Variants in COL9A2 observed in about 807,000 individuals in gnomAD.
COL9A2 encodes collagen type IX alpha 2 chain.
In COL9A2, 66 loss-of-function variants were observed where a neutral mutation model predicts 111.6. The ratio of observed to expected loss-of-function variants is 0.59; its 90% confidence interval spans 0.48 to 0.73. COL9A2 has a LOEUF of 0.73. Ranked by LOEUF, COL9A2 falls within the 30% of genes least tolerant of loss-of-function variation. COL9A2 has a pLI of 0.00. For synonymous variants in COL9A2, 353 were observed against 364.1 expected (o/e 0.97, Z 0.35); for missense variants, 881 against 954.1 (o/e 0.92, Z 1.01).
rs893999306 is a variant in COL9A2 at position 40,314,752 on chromosome 1, A to C, written c.151-365T>G. 6.6e-6 allele frequency among the ~76,000 whole-genome samples: 1 copy of C among 152,198 alleles called. No homozygotes were observed. Among genetic ancestry groups the C allele is most frequent in the Non-Finnish European group, 1.5e-5 (1 of 68,010 alleles). ...GTGGGAGGAAGGTTGGGGCTTTTAG[A>C]GAAACGTGAAGGGGGATGAGCGAGT... is the stretch of plus-strand genomic sequence containing the variant. On this transcript the variant is annotated intron_variant, in intron 2 of 31. Coordinates refer to ENST00000372748, the MANE Select transcript of COL9A2 (RefSeq NM_001852.4). This position sits in a 1 kb window ranked among gnomAD's most constrained non-coding sequence, Gnocchi z 4.1.
Position 40,307,818 on chromosome 1 carries a change from C to T in COL9A2, c.901-62G>A, listed in dbSNP as rs1644054652. The stretch of plus-strand genomic sequence containing the variant: ...CGGAGATGTCTGGGGTCTGGCCACC[C>T]ACCCCTGTTCCTCTGAGACAGCTGC... On this transcript the variant is annotated intron_variant, in intron 17 of 31. Coordinates refer to ENST00000372748, the MANE Select transcript of COL9A2 (RefSeq NM_001852.4). The surrounding 1 kb of genome is among the most constrained non-coding windows in gnomAD (Gnocchi z 4.8). The T allele has an allele frequency of 1.9e-6, 3 of 1,556,014 alleles. No homozygotes were observed. The highest frequency in any genetic ancestry group is 2.3e-5 in the East Asian group (1 of 44,390).
In COL9A2 at chr1:40,304,353, C is replaced by A. The variant is rs35454564; in HGVS notation, c.1254G>T (p.Gly418=). ...CTTTGACGCCTGGCAAGCCTTGGGGCCCTGGAATTCCGGGGGGGCCCTGCT... is the reference window on the plus strand; with the variant it reads ...CTTTGACGCCTGGCAAGCCTTGGGGACCTGGAATTCCGGGGGGGCCCTGCT... The part of the protein sequence containing the change: ...KGEQGPPGIP[G]PQGLPGVKGD... Residue 418 remains glycine, a synonymous_variant, in exon 24 of 32, where the codon GGG becomes GGT. Coordinates refer to ENST00000372748, the MANE Select transcript of COL9A2 (RefSeq NM_001852.4). The A allele has an allele frequency of 2.5e-6, 4 of 1,576,718 alleles. No homozygotes were observed. The highest frequency in any genetic ancestry group is 2.6e-6 in the Non-Finnish European group (3 of 1,160,344).
rs547273591 is a variant in COL9A2, at chr1:40,311,917, C to T, written c.417+142G>A. 59 of 1,046,438 alleles carry T rather than the reference C, an allele frequency of 5.6e-5. 1 individual carries two copies. The African/African-American group carries it at 7.1e-4, about 13-fold the overall frequency. The allele number at this position is 1,046,438 out of a possible 1,614,324, so 64.8% of individuals were successfully genotyped here. ...TAAAAGACCTAGTGCCGGGTGGGCT[C>T]ATAGGAGGGGTTTCTGCCCCAGACC... is the stretch of plus-strand genomic sequence containing the variant. On this transcript the variant is annotated intron_variant, in intron 8 of 31. Coordinates refer to ENST00000372748, the MANE Select transcript of COL9A2 (RefSeq NM_001852.4). The surrounding 1 kb of genome is among the most constrained non-coding windows in gnomAD (Gnocchi z 5.1).
chr1:40,305,346 C>T (rs928032769), intron 21 of COL9A2, among the ~76,000 whole-genome samples: 9 of 152,186 alleles, frequency 5.9e-5, no homozygotes, highest in African/African-American at 1.4e-4. Flanking sequence ...TGAGCCACCG[C>T]GCCCGGCGTG....
At position 40,301,278 on chromosome 1, in the gene COL9A2, C is replaced by T. The variant is rs1643911032; in HGVS notation, c.1974G>A (p.Val658=). 2.5e-6 allele frequency: 4 copies of T among 1,613,890 alleles called. No individual in the cohort carries two copies. Among genetic ancestry groups the T allele is most frequent in the Non-Finnish European group, 3.4e-6 (4 of 1,179,894 alleles). ...CAGGTTCACAGAAGCCCGGCAGCCC[C>T]ACGGGGCCTGGCAGGCCAGGTCGAC... ...EAGRPGLPGP[V]GLPGFCEPAA... Residue 658 remains valine, a synonymous_variant, in exon 32 of 32, where the codon GTG becomes GTA. Coordinates refer to ENST00000372748, the MANE Select transcript of COL9A2 (RefSeq NM_001852.4).
At position 40,303,789 on chromosome 1, in the gene COL9A2, C is replaced by T. The variant is rs757717960; in HGVS notation, c.1401+18G>A. 3.8e-6 allele frequency: 6 copies of T among 1,562,548 alleles called. No homozygotes were observed. Among genetic ancestry groups the T allele is most frequent in the African/African-American group, 2.7e-5 (2 of 73,910 alleles). On this transcript the variant is annotated intron_variant, in intron 27 of 31. Coordinates refer to ENST00000372748, the MANE Select transcript of COL9A2 (RefSeq NM_001852.4). This position sits in a 1 kb window ranked among gnomAD's most constrained non-coding sequence, Gnocchi z 4.6. ...GCCGCCCAGGAAAGTCGGAGAACGCCGGGAGGGGAGGACTCACCTGTCCCT... is the reference window on the plus strand; with the variant it reads ...GCCGCCCAGGAAAGTCGGAGAACGCTGGGAGGGGAGGACTCACCTGTCCCT...
chr1:40,315,347 G>A, intron 2 of COL9A2: 10 of 1,347,060 alleles, frequency 7.4e-6, no homozygotes, highest in Non-Finnish European at 9.5e-6. Flanking sequence ...GTGAGCTGCG[G>A]CCGGCGGACT....
At position 40,314,082 on chromosome 1, in the gene COL9A2, C is replaced by G; in HGVS notation, c.249+123G>C. On this transcript the variant is annotated intron_variant, in intron 4 of 31. Coordinates refer to ENST00000372748, the MANE Select transcript of COL9A2 (RefSeq NM_001852.4). This position sits in a 1 kb window ranked among gnomAD's most constrained non-coding sequence, Gnocchi z 4.1. Reference sequence around the variant, plus strand: ...AAGTCATATCAAGGTGAGGGGGGCTCACAGCTGGAGAATCTCCATCCTGCT... The same window carrying G: ...AAGTCATATCAAGGTGAGGGGGGCTGACAGCTGGAGAATCTCCATCCTGCT... 9.2e-7 allele frequency: 1 copy of G among 1,083,470 alleles called. No individual in the cohort carries two copies. The allele number at this position is 1,083,470 out of a possible 1,614,324, so 67.1% of individuals were successfully genotyped here.
rs747251984 is a variant in COL9A2 at position 40,303,828 on chromosome 1, G to A, written c.1380C>T (p.Gly460=). The A allele has an allele frequency of 2.5e-5, 39 of 1,560,178 alleles. No homozygotes were observed. In the East Asian group the frequency reaches 5.2e-4, roughly 21 times the overall value. ...TCACCTGTCCCTTGGGCCCCGGCTC[G>A]CCGGACTCGCCCTGCAGGCACAAGG... is the stretch of plus-strand genomic sequence containing the variant. ...PGEKGEKGES[G]EPGPKGQQGV... The change falls in exon 27 of 32, where the codon GGC becomes GGT. Residue 460 remains glycine (G), a synonymous_variant. Coordinates refer to ENST00000372748, the MANE Select transcript of COL9A2 (RefSeq NM_001852.4). This position sits in a 1 kb window ranked among gnomAD's most constrained non-coding sequence, Gnocchi z 4.6.
chr1:40,311,820 G>T lies in COL9A2; in HGVS notation c.418-105C>A. 2 of 1,253,792 alleles carry T rather than the reference G, an allele frequency of 1.6e-6. No homozygotes were observed. Among genetic ancestry groups the T allele is most frequent in the Non-Finnish European group, 2.3e-6 (2 of 858,142 alleles). 77.7% of individuals were successfully genotyped at this position (1,253,792 alleles called of 1,614,324 possible). The stretch of plus-strand genomic sequence containing the variant: ...TCTGCCCTCTCCACCCTGTCTTCCC[G>T]GTCACTTTGTGAGATCCACCATCTT... On this transcript the variant is annotated intron_variant, in intron 8 of 31. Coordinates refer to ENST00000372748, the MANE Select transcript of COL9A2 (RefSeq NM_001852.4). The surrounding 1 kb of genome is among the most constrained non-coding windows in gnomAD (Gnocchi z 5.1).
rs763361168 is a variant in COL9A2 at position 40,304,386 on chromosome 1, A to T, written c.1221T>A (p.Pro407=). 6.3e-7 allele frequency: 1 copy of T among 1,597,902 alleles called. No individual in the cohort carries two copies. Among genetic ancestry groups the T allele is most frequent in the Non-Finnish European group, 8.5e-7 (1 of 1,171,910 alleles). Residue 407 remains proline, a synonymous_variant, in exon 24 of 32, where the codon CCT becomes CCA. Transcript: ENST00000372748. ...TTCCGGGGGGGCCCTGCTCCCCCTTAGGGCCCTGAGGAGAAAAGAAACCAA... is the reference window on the plus strand; with the variant it reads ...TTCCGGGGGGGCCCTGCTCCCCCTTTGGGCCCTGAGGAGAAAAGAAACCAA... ...GQPGPQGRQG[P]KGEQGPPGIP...
rs771125654 is a variant in COL9A2 at position 40,302,309 on chromosome 1, C to G, written c.1792+312G>C. On this transcript the variant is annotated intron_variant, in intron 30 of 31. Transcript: ENST00000372748. The surrounding 1 kb of genome is among the most constrained non-coding windows in gnomAD (Gnocchi z 4.5). ...AGAAAGGGGAGTCTGGATTCACACC[C>G]GTGTGTGGCTCCAGCCTGCCTGCTT... 1.3e-5 allele frequency among the ~76,000 whole-genome samples: 2 copies of G among 152,156 alleles called. No homozygotes were observed. The highest frequency in any genetic ancestry group is 2.9e-5 in the Non-Finnish European group (2 of 68,034).
At position 40,311,426 on chromosome 1, in the gene COL9A2, C is replaced by A. The variant is rs1159161592; in HGVS notation, c.519+74G>T. 16 of 1,580,532 alleles carry A rather than the reference C, an allele frequency of 1.0e-5. No homozygotes were observed. The highest frequency in any genetic ancestry group is 1.7e-5 in the Admixed American group (1 of 59,212). ...TCCCCATCTCTCCAGACACCCCCAT[C>A]TCCGTGGCCCCGCCTCCCCATCTCT... On this transcript the variant is annotated intron_variant, in intron 10 of 31. Coordinates refer to ENST00000372748, the MANE Select transcript of COL9A2 (RefSeq NM_001852.4). This position sits in a 1 kb window ranked among gnomAD's most constrained non-coding sequence, Gnocchi z 5.1.
chr1:40,301,409 AG>A lies in COL9A2; in HGVS notation c.1871-29del, dbSNP rs1643913639. ...GTGAACAGGAGAAAGTCAAGACATT[AG>A]GGGCACCTCTTGTCTCAGGCCCAGA... is the stretch of plus-strand genomic sequence containing the variant. On this transcript the variant is annotated intron_variant, in intron 31 of 31. Transcript: ENST00000372748. 4.4e-6 allele frequency: 7 copies of A among 1,587,926 alleles called. No individual in the cohort carries two copies. In the African/African-American group the frequency reaches 6.8e-5, roughly 15 times the overall value.
rs1395446445 is a variant in COL9A2, at chr1:40,303,697, G to C, written c.1402-21C>G. 6.5e-7 allele frequency: 1 copy of C among 1,545,564 alleles called. No homozygotes were observed. The highest frequency in any genetic ancestry group is 2.0e-5 in the Admixed American group (1 of 51,166). On this transcript the variant is annotated intron_variant, in intron 27 of 31. Coordinates refer to ENST00000372748, the MANE Select transcript of COL9A2 (RefSeq NM_001852.4). The surrounding 1 kb of genome is among the most constrained non-coding windows in gnomAD (Gnocchi z 4.6). ...CCTTGCTGCGGGGGGATGGGGGTGG[G>C]AGCAGAGCCGGGTGAGAAGGCGCCC...
intron 19 of COL9A2, among the ~76,000 whole-genome samples, chr1:40,307,000 AC>A (rs967909167): frequency 2.0e-5 from 3 of 152,020 alleles, no homozygotes; most frequent in Non-Finnish European, 4.4e-5. Context: ...ATGAGCCGCC[AC>A]GCCCAGCTAA....
chr1:40,312,193 G>C lies in COL9A2; in HGVS notation c.364-81C>G. Reference sequence around the variant, plus strand: ...ACAAAGGTAGAGACAGGCACCCAAAGCCCGTTTCTCCACTTTTACTTTTTT... The same window carrying C: ...ACAAAGGTAGAGACAGGCACCCAAACCCCGTTTCTCCACTTTTACTTTTTT... On this transcript the variant is annotated intron_variant, in intron 7 of 31. Coordinates refer to ENST00000372748, the MANE Select transcript of COL9A2 (RefSeq NM_001852.4). The surrounding 1 kb of genome is among the most constrained non-coding windows in gnomAD (Gnocchi z 6.0). 1 of 1,257,612 alleles carries C rather than the reference G, an allele frequency of 8.0e-7. No homozygotes were observed. The highest frequency in any genetic ancestry group is 1.1e-6 in the Non-Finnish European group (1 of 890,866). The allele number at this position is 1,257,612 out of a possible 1,614,324, so 77.9% of individuals were successfully genotyped here.
rs149761016 is a variant in COL9A2, at chr1:40,306,016, G to C, written c.1053+127C>G. On this transcript the variant is annotated intron_variant, in intron 20 of 31. Coordinates refer to ENST00000372748, the MANE Select transcript of COL9A2 (RefSeq NM_001852.4). Reference sequence around the variant, plus strand: ...GATGGGTGGGAGGTGGCAGGAGGGAGGTGGTTAGGCCCAAGGGGCTTATGT... The same window carrying C: ...GATGGGTGGGAGGTGGCAGGAGGGACGTGGTTAGGCCCAAGGGGCTTATGT... 44 of 1,077,140 alleles carry C rather than the reference G, an allele frequency of 4.1e-5. No individual in the cohort carries two copies. In the Middle Eastern group the frequency reaches 7.5e-4, roughly 18 times the overall value. The allele number at this position is 1,077,140 out of a possible 1,614,324, so 66.7% of individuals were successfully genotyped here. A position where few individuals can be genotyped will look rare whatever the true frequency, so the allele number is the denominator to read the frequency against.
intron 4 of COL9A2, among the ~76,000 whole-genome samples, chr1:40,313,065 C>A (rs953294259): frequency 6.6e-6 from 1 of 152,242 alleles, no homozygotes; most frequent in Non-Finnish European, 1.5e-5. Flanking sequence ...GTTCAGGAGT[C>A]TAGAAGACCT....
Sources: gnomAD v4.1 joint callset for allele counts (sites outside exome capture counted in the v4.1 genomes callset) on GRCh38, gnomAD v4.1.1 for gene constraint, Gnocchi (gnomAD v3.1) non-coding constraint, MANE v1.5 for transcripts, NCBI Gene and HGNC (gene_info 2026-07-23, HGNC 2026-07-21) for gene names.